Variants in COL14A1 observed in about 807,000 individuals in gnomAD.
COL14A1 encodes collagen type XIV alpha 1 chain, also known as collagen alpha-1(XIV) chain.
COL14A1 carries 136 observed loss-of-function variants against 230.3 expected under a neutral mutation model. The ratio of observed to expected loss-of-function variants is 0.59; its 90% CI spans 0.51 to 0.68. The LOEUF is 0.68. Ranked by LOEUF, COL14A1 falls within the 30% of genes least tolerant of loss-of-function variation. COL14A1 has a pLI of 0.00. For missense variants in COL14A1, 1,976 were observed against 2,215.8 expected, an observed-to-expected ratio of 0.89 and a Z score of 2.17; for synonymous variants, 792 against 784.1, an observed-to-expected ratio of 1.01 and a Z score of -0.17.
At chr8:120,238,109 C>G (rs866365554) in intron 19 of COL14A1, among the ~76,000 whole-genome samples, 1 of 152,340 alleles carries the variant, frequency 6.6e-6, no homozygotes, top group Middle Eastern at 3.4e-3. Flanking sequence ...AGGAGACTGT[C>G]TGTCCCTTAG....
At chr8:120,327,125 T>C (rs1385744516) in intron 40 of COL14A1, among the ~76,000 whole-genome samples, 3 of 152,220 alleles carry the variant, frequency 2.0e-5, no homozygotes, top group Non-Finnish European at 2.9e-5. Flanking sequence ...TAGTTGTTTA[T>C]GACAGTCCAT....
chr8:120,145,776 G>C (rs1193586448), intron 1 of COL14A1, among the ~76,000 whole-genome samples: 2 of 152,164 alleles, frequency 1.3e-5, no homozygotes, highest in Admixed American at 6.5e-5. Context: ...GAAGCAATCT[G>C]TATTTCCAAA....
intron 8 of COL14A1, among the ~76,000 whole-genome samples, chr8:120,203,366 C>T (rs2061701129): frequency 6.6e-6 from 1 of 151,094 alleles, no homozygotes; most frequent in Non-Finnish European, 1.5e-5. Context: ...GGGGGGGTCC[C>T]AAGTGTTGTT....
intron 7 of COL14A1, 22 bp from the exon 8 acceptor site, chr8:120,199,380 A>G (rs770363289): frequency 3.9e-6 from 6 of 1,549,878 alleles, no homozygotes; most frequent in Non-Finnish European, 4.3e-6. Flanking sequence ...GCTGGTGTTT[A>G]CTTTTCCTTG....
chr8:120,341,286 C>T, intron 42 of COL14A1, 39 bp from the exon 43 acceptor site: 1 of 1,600,972 alleles, frequency 6.2e-7, no homozygotes, highest in Non-Finnish European at 8.6e-7. Flanking sequence ...TAGCTAAGTG[C>T]AATATCATAA....
chr8:120,206,282 T>TA (rs555308426), intron 9 of COL14A1, among the ~76,000 whole-genome samples: 14 of 152,218 alleles, frequency 9.2e-5, no homozygotes, highest in Admixed American at 8.5e-4. Context: ...GTAGATGAGA[T>TA]AAAAAAAACT....
In COL14A1 at chr8:120,255,165, G is replaced by A. The variant is rs1819103437; in HGVS notation, c.2753-75G>A. The A allele has an allele frequency of 4.1e-6, 5 of 1,215,310 alleles. No homozygotes were observed. The South Asian group carries it at 4.9e-5, about 12-fold the overall frequency. The allele number at this position is 1,215,310 out of a possible 1,614,324, so 75.3% of individuals were successfully genotyped here. The stretch of plus-strand genomic sequence containing the variant: ...GCAGCTTTGAATGAAAATTTTTCCA[G>A]AAGTTAATTTCAGATTCAGGGATGC... On this transcript the variant is annotated intron_variant, in intron 22 of 47. Transcript: ENST00000297848.
At chr8:120,360,666 G>C (rs1823167170) in intron 45 of COL14A1, among the ~76,000 whole-genome samples, 1 of 152,212 alleles carries the variant, frequency 6.6e-6, no homozygotes, top group Non-Finnish European at 1.5e-5. Context: ...ATATTCTGCT[G>C]TAGCTGTTTT....
chr8:120,158,062 C>T, intron 2 of COL14A1, 68 bp from the exon 3 acceptor site: 1 of 847,270 alleles, frequency 1.2e-6, no homozygotes, highest in Non-Finnish European at 1.9e-6. Context: ...ACTACTTTGA[C>T]TTTCTGATTT....
At chr8:120,254,607 G>C (rs1819078864) in intron 22 of COL14A1, among the ~76,000 whole-genome samples, 1 of 151,744 alleles carries the variant, frequency 6.6e-6, no homozygotes. Flanking sequence ...TATATAAAGG[G>C]GGTAAGATTT....
intron 5 of COL14A1, among the ~76,000 whole-genome samples, chr8:120,187,585 T>C (rs1816688666): frequency 6.6e-6 from 1 of 152,194 alleles, no homozygotes; most frequent in South Asian, 2.1e-4. Flanking sequence ...TAACATCAAA[T>C]GAATAAACAT....
In COL14A1 at chr8:120,143,157, G is replaced by GATGCAAACAGGATTGTTTGAAA. The variant is rs527625155; in HGVS notation, c.-37-4646_-37-4625dup. 2.6e-3 allele frequency among the ~76,000 whole-genome samples: 402 copies of GATGCAAACAGGATTGTTTGAAA among 152,278 alleles called. 1 individual carries two copies. Among genetic ancestry groups the GATGCAAACAGGATTGTTTGAAA allele is most frequent in the Non-Finnish European group, 4.0e-3 (273 of 68,006 alleles). ...TCCTTCACACTCTCCAGACTGAAAG[G>GATGCAAACAGGATTGTTTGAAA]ATGCAAACAGGATTGTTTGAAAATC... is the stretch of plus-strand genomic sequence containing the variant. On this transcript the variant is annotated intron_variant, in intron 1 of 47. Coordinates refer to ENST00000297848, the MANE Select transcript of COL14A1 (RefSeq NM_021110.4).
chr8:120,370,439 C>A (rs992765860), intron 47 of COL14A1: 160 of 1,554,754 alleles, frequency 1.0e-4, no homozygotes, highest in Non-Finnish European at 1.3e-4. Flanking sequence ...TCCTGTCAAC[C>A]ACCACCACCA....
In COL14A1 at chr8:120,162,391, T is replaced by C. The variant is rs761836153; in HGVS notation, c.206-35T>C. The C allele has an allele frequency of 1.8e-4, 278 of 1,565,464 alleles. 2 individuals are homozygous for C. Among genetic ancestry groups the C allele is most frequent in the Middle Eastern group, 1.2e-3 (6 of 5,204 alleles). On this transcript the variant is annotated intron_variant, in intron 3 of 47. Transcript: ENST00000297848. ...CTTAATGTACACAGTGGACCTTATT[T>C]CTTAGAACTGATTTATTTTTCTCTT...
rs970106797 is a variant in COL14A1, at chr8:120,336,417, A to G, written c.4785+3682A>G. Reference sequence around the variant, plus strand: ...AAACACAGAGCACCCCTGTCTCTGTACATTTTAATATTTTTCAATTCTTTC... The same window carrying G: ...AAACACAGAGCACCCCTGTCTCTGTGCATTTTAATATTTTTCAATTCTTTC... On this transcript the variant is annotated intron_variant, in intron 42 of 47. Transcript: ENST00000297848. Among the ~76,000 whole-genome samples the G allele has an allele frequency of 4.6e-5, 7 of 152,178 alleles. No individual in the cohort carries two copies. The East Asian group carries it at 1.3e-3, about 29-fold the overall frequency.
chr8:120,360,312 G>A lies in COL14A1; in HGVS notation c.5078-6859G>A, dbSNP rs185450130. ...CTTGAAGAAAAAGAATATGAAGTCCGAACATAAAATTAAGTAGGAGGTACT... is the reference window on the plus strand; with the variant it reads ...CTTGAAGAAAAAGAATATGAAGTCCAAACATAAAATTAAGTAGGAGGTACT... On this transcript the variant is annotated intron_variant, in intron 45 of 47. Transcript: ENST00000297848. 1.7e-4 allele frequency among the ~76,000 whole-genome samples: 26 copies of A among 152,226 alleles called. No homozygotes were observed. In the East Asian group the frequency reaches 4.1e-3, roughly 24 times the overall value.
intron 21 of COL14A1, 46 bp downstream of exon 21, chr8:120,247,781 TAA>T (rs1563694728): frequency 1.6e-5 from 25 of 1,594,454 alleles, no homozygotes; most frequent in Non-Finnish European, 2.1e-5. Flanking sequence ...AGTAGTCACT[TAA>T]AATGTCTTTT....
At chr8:120,353,581 G>T (rs1279157798) in intron 45 of COL14A1, among the ~76,000 whole-genome samples, 2 of 151,128 alleles carry the variant, frequency 1.3e-5, no homozygotes, top group African/African-American at 2.5e-5. Context: ...GTGGGCGAAG[G>T]ACATGAACAG....
At chr8:120,359,350 G>T (rs996586326) in intron 45 of COL14A1, among the ~76,000 whole-genome samples, 6 of 151,918 alleles carry the variant, frequency 3.9e-5, no homozygotes, top group African/African-American at 1.5e-4. Flanking sequence ...TGAGCATGAA[G>T]TGCTGTTGGT....
Sources: allele counts gnomAD v4.1 joint callset (sites outside exome capture counted in the v4.1 genomes callset), GRCh38; gene constraint gnomAD v4.1.1; transcripts MANE v1.5; gene names NCBI Gene and HGNC (gene_info 2026-07-23, HGNC 2026-07-21).